The following ADCY8 variants were observed in gnomAD, a reference collection of about 807,000 sequenced individuals.
ADCY8 encodes the protein adenylate cyclase 8.
A neutral mutation model predicts 119.7 loss-of-function variants in ADCY8; 51 were observed. That is an observed-to-expected ratio of 0.43 (90% CI 0.34 to 0.54). The LOEUF (loss-of-function observed/expected upper bound fraction) is 0.54. Among genes scored for constraint, ADCY8 ranks in the 20% least tolerant of loss-of-function variants. ADCY8 has a pLI of 0.03. For missense variants in ADCY8, 1,383 were observed against 1,598.8 expected (o/e 0.87, Z 2.30); for synonymous variants, 665 against 651.0 (o/e 1.02, Z -0.33).
intron 9 of ADCY8, among the ~76,000 whole-genome samples, chr8:130,852,390 A>T (rs907608647): frequency 6.6e-6 from 1 of 152,124 alleles, no homozygotes; most frequent in Non-Finnish European, 1.5e-5. Flanking sequence ...CAGATGGGAA[A>T]CTTCCCTCCA....
chr8:131,040,506 C>T lies in ADCY8; in HGVS notation c.-173G>A, dbSNP rs1370990730. ...TCCCTGTAGGTCGGGTCATACTGTG[C>T]CCAGGGGCAAAGGGCACCTGGAAGA... On this transcript the variant is annotated 5_prime_UTR_variant, in exon 1 of 18. Transcript: ENST00000286355. 1.4e-5 allele frequency: 10 copies of T among 711,488 alleles called. No individual in the cohort carries two copies. Among genetic ancestry groups the T allele is most frequent in the Non-Finnish European group, 2.0e-5 (10 of 504,108 alleles). 44.1% of individuals were successfully genotyped at this position (711,488 alleles called of 1,614,324 possible).
At chr8:130,914,462 A>G (rs1424890419) in intron 5 of ADCY8, among the ~76,000 whole-genome samples, 1 of 152,124 alleles carries the variant, frequency 6.6e-6, no homozygotes, top group East Asian at 1.9e-4. Context: ...AAGACTTCAC[A>G]TTTTTTTACT....
chr8:130,834,244 G>A (rs977710282), intron 12 of ADCY8, among the ~76,000 whole-genome samples: 2 of 151,756 alleles, frequency 1.3e-5, no homozygotes, highest in African/African-American at 4.8e-5. Context: ...CAGAAAACTG[G>A]GTAAAGGATA....
chr8:130,803,214 A>T (rs1815837093), intron 14 of ADCY8, among the ~76,000 whole-genome samples: 11 of 152,222 alleles, frequency 7.2e-5, no homozygotes, highest in Admixed American at 7.2e-4. Flanking sequence ...CCTTCCCTGC[A>T]GTTAGCTTCC....
At chr8:130,872,694 A>G (rs1388326324) in intron 8 of ADCY8, among the ~76,000 whole-genome samples, 1 of 152,234 alleles carries the variant, frequency 6.6e-6, no homozygotes, top group Non-Finnish European at 1.5e-5. Flanking sequence ...ATGCAAAATA[A>G]TGAGCCCCTT....
chr8:130,972,600 A>T lies in ADCY8; in HGVS notation c.1110+17793T>A, dbSNP rs148503962. ...AAAAATGGTATTTCTTAAATGATCAAGGCAACCAAAGTAGGGTACTTTGAT... is the reference window on the plus strand; with the variant it reads ...AAAAATGGTATTTCTTAAATGATCATGGCAACCAAAGTAGGGTACTTTGAT... On this transcript the variant is annotated intron_variant, in intron 2 of 17. Coordinates refer to ENST00000286355, the MANE Select transcript of ADCY8 (RefSeq NM_001115.3). Among the ~76,000 whole-genome samples the T allele has an allele frequency of 4.5e-3, 679 of 152,330 alleles. 6 individuals carry two copies. Among genetic ancestry groups the T allele is most frequent in the African/African-American group, 0.016 (654 of 41,570 alleles).
chr8:130,835,724 C>T (rs1816965660), intron 12 of ADCY8, among the ~76,000 whole-genome samples: 1 of 152,110 alleles, frequency 6.6e-6, no homozygotes, highest in African/African-American at 2.4e-5. Context: ...ACATATCCCC[C>T]CCATGCTTTA....
intron 1 of ADCY8, among the ~76,000 whole-genome samples, chr8:131,003,673 C>T (rs1187468334): frequency 2.6e-5 from 4 of 151,912 alleles, no homozygotes; most frequent in African/African-American, 4.8e-5. Context: ...TGAGGCTCAG[C>T]GAGGTTAAAT....
intron 6 of ADCY8, 80 bp downstream of exon 6, chr8:130,909,628 T>C (rs1819911770): frequency 6.5e-7 from 1 of 1,539,480 alleles, no homozygotes; most frequent in Non-Finnish European, 8.9e-7. Context: ...AACCCTGAAT[T>C]TCTGTACACA....
chr8:130,918,450 G>A (rs1442503898), intron 5 of ADCY8, among the ~76,000 whole-genome samples: 1 of 152,144 alleles, frequency 6.6e-6, no homozygotes, highest in Non-Finnish European at 1.5e-5. Context: ...AGGAATTTGA[G>A]GGGGATAAAA....
chr8:131,022,115 C>T (rs1392979193), intron 1 of ADCY8, among the ~76,000 whole-genome samples: 1 of 151,010 alleles, frequency 6.6e-6, no homozygotes, highest in Admixed American at 6.6e-5. Flanking sequence ...GGTGTGCACA[C>T]CAATCTGTTT....
chr8:130,786,425 G>A (rs1037188701), intron 15 of ADCY8, among the ~76,000 whole-genome samples: 11 of 152,312 alleles, frequency 7.2e-5, no homozygotes, highest in African/African-American at 2.4e-4. Flanking sequence ...CCCCAAAGAT[G>A]CCTGTGTCTT....
At chr8:130,931,023 T>C (rs986290401) in intron 5 of ADCY8, among the ~76,000 whole-genome samples, 4 of 152,340 alleles carry the variant, frequency 2.6e-5, no homozygotes, top group African/African-American at 9.6e-5. Flanking sequence ...TTTGTACTTA[T>C]TTTTACCAGT....
At chr8:130,793,451 G>A (rs1220675898) in intron 15 of ADCY8, among the ~76,000 whole-genome samples, 1 of 152,166 alleles carries the variant, frequency 6.6e-6, no homozygotes, top group African/African-American at 2.4e-5. Flanking sequence ...CCCACCGAAT[G>A]TATCTCTGTC....
intron 8 of ADCY8, among the ~76,000 whole-genome samples, chr8:130,874,497 A>G (rs1258491756): frequency 6.7e-6 from 1 of 150,134 alleles, no homozygotes; most frequent in East Asian, 1.9e-4. Flanking sequence ...TATGAGTGAC[A>G]GGTGAGTGTG....
chr8:131,038,789 T>C (rs1467250366), intron 1 of ADCY8, among the ~76,000 whole-genome samples: 1 of 152,180 alleles, frequency 6.6e-6, no homozygotes, highest in African/African-American at 2.4e-5. Flanking sequence ...ACCAAGGCAA[T>C]AAAAAATTCC....
intron 13 of ADCY8, among the ~76,000 whole-genome samples, chr8:130,816,374 T>A (rs1171491489): frequency 6.6e-6 from 1 of 151,934 alleles, no homozygotes; most frequent in South Asian, 2.1e-4. Context: ...GAAAGATCGA[T>A]CTCTTTATCC....
chr8:130,979,526 G>A (rs1822175030), intron 2 of ADCY8, among the ~76,000 whole-genome samples: 1 of 152,170 alleles, frequency 6.6e-6, no homozygotes, highest in African/African-American at 2.4e-5. Flanking sequence ...GGAAGGGAGG[G>A]CTAGGGCCCT....
At chr8:130,901,718 C>T (rs1033795179) in intron 7 of ADCY8, among the ~76,000 whole-genome samples, 5 of 152,062 alleles carry the variant, frequency 3.3e-5, no homozygotes, top group South Asian at 2.1e-4. Context: ...TGGTGGCACG[C>T]GGTTATTCAT....
Sources: allele counts gnomAD v4.1 joint callset (sites outside exome capture counted in the v4.1 genomes callset), GRCh38; gene constraint gnomAD v4.1.1; transcripts MANE v1.5; gene names NCBI Gene and HGNC (gene_info 2026-07-23, HGNC 2026-07-21).